PCDHGA5: variants seen among roughly 807,000 people sequenced by gnomAD.
PCDHGA5 encodes protocadherin gamma subfamily A, 5.
In PCDHGA5, 36 loss-of-function variants were observed where a neutral mutation model predicts 56.7. The observed-to-expected ratio is 0.64, with a 90% CI of 0.49 to 0.84. PCDHGA5 has a LOEUF of 0.84. PCDHGA5 is among the 40% of genes least tolerant of loss of function. PCDHGA5 has a pLI of 0.00. For missense variants in PCDHGA5, 1,305 were observed against 1,201.5 expected (o/e 1.09, Z -1.27); for synonymous variants, 563 against 520.2 (o/e 1.08, Z -1.12).
At chr5:141,398,207 C>T (rs1368284039) in intron 1 of PCDHGA5, 3 of 1,488,636 alleles carry the variant, frequency 2.0e-6, no homozygotes, top group South Asian at 2.6e-5. Flanking sequence ...TTGTTCTGCC[C>T]GGCGCTCTGT....
At chr5:141,482,956 CCAGCTACTTGAG>C (rs6149271) in intron 1 of PCDHGA5, among the ~76,000 whole-genome samples, 62,216 of 151,640 alleles carry the variant, frequency 0.41, 15,336 homozygotes, top group African/African-American at 0.7. Context: ...GCCTGTAATT[CCAGCTACTTGAG>C]CAGCTACTTG....
chr5:141,375,736 T>C (rs1771819108), intron 1 of PCDHGA5: 2 of 1,614,242 alleles, frequency 1.2e-6, no homozygotes, highest in East Asian at 2.2e-5. Flanking sequence ...TGAGCCTGTT[T>C]GTGCTGGACC....
At chr5:141,410,698 C>G in intron 1 of PCDHGA5, 1 of 1,482,836 alleles carries the variant, frequency 6.7e-7, no homozygotes, top group Non-Finnish European at 9.0e-7. Context: ...ACTTTATTTT[C>G]ATATCTAGAA....
At chr5:141,404,615 C>T in intron 1 of PCDHGA5, 5 of 1,614,122 alleles carry the variant, frequency 3.1e-6, no homozygotes, top group Non-Finnish European at 4.2e-6. Flanking sequence ...TGTTTTGGAC[C>T]AGAATGACAA....
chr5:141,409,948 A>G, intron 1 of PCDHGA5: 1 of 1,613,348 alleles, frequency 6.2e-7, no homozygotes, highest in South Asian at 1.1e-5. Context: ...CTCGCTCTGC[A>G]GAGCCCGGCT....
rs766795269 is a variant in PCDHGA5, at chr5:141,394,804, T to C, written c.2421+28053T>C. Reference sequence around the variant, plus strand: ...GCCACTGTCACGCTCACCGTAGCCGTGGCTGACAGCATCCCCGAAGTCCTG... The same window carrying C: ...GCCACTGTCACGCTCACCGTAGCCGCGGCTGACAGCATCCCCGAAGTCCTG... On this transcript the variant is annotated intron_variant, in intron 1 of 3. Coordinates refer to ENST00000518069, the MANE Select transcript of PCDHGA5 (RefSeq NM_018918.3). 8 of 1,613,850 alleles carry C rather than the reference T, an allele frequency of 5.0e-6. No individual in the cohort carries two copies. In the South Asian group the frequency reaches 6.6e-5, roughly 13 times the overall value.
At chr5:141,409,402 C>G (rs2095262140) in intron 1 of PCDHGA5, 2 of 1,613,924 alleles carry the variant, frequency 1.2e-6, no homozygotes, top group Non-Finnish European at 8.5e-7. Context: ...CTTCCAATAA[C>G]TACTACAAAC....
chr5:141,486,828 G>A lies in PCDHGA5; in HGVS notation c.2422-7979G>A, dbSNP rs140257646. 77 of 1,614,218 alleles carry A rather than the reference G, an allele frequency of 4.8e-5. 1 individual carries two copies. In the East Asian group the frequency reaches 1.2e-3, roughly 26 times the overall value. On this transcript the variant is annotated intron_variant, in intron 1 of 3. Transcript: ENST00000518069. This position sits in a 1 kb window ranked among gnomAD's most constrained non-coding sequence, Gnocchi z 5.0. ...CCCCTTAGCAGCACTGTAACAGTTCGTCTATTTGTGCTGGACCTCAATGAC... is the reference window on the plus strand; with the variant it reads ...CCCCTTAGCAGCACTGTAACAGTTCATCTATTTGTGCTGGACCTCAATGAC...
rs781173890 is a variant in PCDHGA5, at chr5:141,476,165, G to T, written c.2422-18642G>T. 5.3e-5 allele frequency: 86 copies of T among 1,613,106 alleles called. No individual in the cohort carries two copies. Among genetic ancestry groups the T allele is most frequent in the Non-Finnish European group, 7.2e-5 (85 of 1,179,976 alleles). On this transcript the variant is annotated intron_variant, in intron 1 of 3. Transcript: ENST00000518069. The surrounding 1 kb of genome is among the most constrained non-coding windows in gnomAD (Gnocchi z 7.6). ...CGGACTGGTAAGCACCGGGAGGGTA[G>T]TGGGAGTTTTGCTTCTGCTTGGTGC...
chr5:141,366,903 C>G (rs1018569016), intron 1 of PCDHGA5, 152 bp downstream of exon 1: 1 of 1,174,592 alleles, frequency 8.5e-7, no homozygotes, highest in Non-Finnish European at 1.2e-6. Flanking sequence ...TTCATGCTTT[C>G]TCCATTTGTT....
chr5:141,479,625 T>C (rs2099501262), intron 1 of PCDHGA5: 1 of 152,228 alleles, frequency 6.6e-6, no homozygotes, highest in Non-Finnish European at 1.5e-5. Flanking sequence ...ACCATGTCTC[T>C]TTAACAATAA....
chr5:141,425,177 GGAATTCCAAACTGA>G (rs2096860295), intron 1 of PCDHGA5, among the ~76,000 whole-genome samples: 1 of 152,036 alleles, frequency 6.6e-6, no homozygotes, highest in South Asian at 2.1e-4. Flanking sequence ...TTATACTTGT[GGAATTCCAAACTGA>G]GAAAAATGAT....
intron 1 of PCDHGA5, among the ~76,000 whole-genome samples, chr5:141,379,889 C>CTTTTTTTTTGTTTTTTTTTTTTTTTTT (rs1775948001): frequency 2.0e-5 from 1 of 50,830 alleles, no homozygotes; most frequent in Non-Finnish European, 3.9e-5. Context: ...GTGAAAGCCT[C>CTTTTTTTTTGTTTTTTTTTTTTTTTTT]TTTTTTTTTT....
At position 141,365,004 on chromosome 5, in the gene PCDHGA5, C is replaced by T. The variant is rs746525916; in HGVS notation, c.674C>T (p.Thr225Ile). The T allele has an allele frequency of 6.2e-6, 10 of 1,613,936 alleles. No individual in the cohort carries two copies. The highest frequency in any genetic ancestry group is 4.4e-5 in the South Asian group (4 of 91,088). The change falls in exon 1 of 4, where the codon ACC becomes ATC. Residue 225 changes from threonine (T) to isoleucine (I), a missense_variant. By Grantham distance (89) the Thr-to-Ile change is moderately conservative. Coordinates refer to ENST00000518069, the MANE Select transcript of PCDHGA5 (RefSeq NM_018918.3). The stretch of plus-strand genomic sequence containing the variant: ...GGCGGAGACCCGGTACTCTCCGGCA[C>T]CACGCACATCCGTGTTACGGTCCTC... ...LDGGDPVLSG[T>I]THIRVTVLDA...
Position 141,476,340 on chromosome 5 carries a change from G to A in PCDHGA5, c.2422-18467G>A, listed in dbSNP as rs760616287. The A allele has an allele frequency of 2.2e-5, 36 of 1,614,068 alleles. No homozygotes were observed. In the Admixed American group the frequency reaches 2.5e-4, roughly 11 times the overall value. On this transcript the variant is annotated intron_variant, in intron 1 of 3. Transcript: ENST00000518069. The surrounding 1 kb of genome is among the most constrained non-coding windows in gnomAD (Gnocchi z 7.6). The stretch of plus-strand genomic sequence containing the variant: ...CGGGTGGTGTCTGGAGCTAGCCGAA[G>A]ATTCTTTGAGGTGAACCGGGAGACC...
chr5:141,394,419 G>A, intron 1 of PCDHGA5: 1 of 1,614,224 alleles, frequency 6.2e-7, no homozygotes, highest in Non-Finnish European at 8.5e-7. Context: ...AACAGCCAGC[G>A]ACAGCGGGGA....
At chr5:141,421,423 C>T in intron 1 of PCDHGA5, 1 of 1,614,052 alleles carries the variant, frequency 6.2e-7, no homozygotes, top group Non-Finnish European at 8.5e-7. Context: ...GCGCGGAGTC[C>T]GCATCGTCTC....
At chr5:141,462,996 G>A (rs2099050826) in intron 1 of PCDHGA5, among the ~76,000 whole-genome samples, 1 of 152,082 alleles carries the variant, frequency 6.6e-6, no homozygotes, top group South Asian at 2.1e-4. Flanking sequence ...GGCTAATTTA[G>A]ACCTACCACT....
chr5:141,461,423 C>T lies in PCDHGA5; in HGVS notation c.2422-33384C>T, dbSNP rs1005977255. 3.9e-5 allele frequency among the ~76,000 whole-genome samples: 6 copies of T among 151,938 alleles called. No individual in the cohort carries two copies. In the South Asian group the frequency reaches 6.2e-4, roughly 16 times the overall value. On this transcript the variant is annotated intron_variant, in intron 1 of 3. Coordinates refer to ENST00000518069, the MANE Select transcript of PCDHGA5 (RefSeq NM_018918.3). ...AGCATTTTTTCATATGTTTGTGGGC[C>T]ATTTGTATACCTTCTTTTGAGAAAT... is the stretch of plus-strand genomic sequence containing the variant.
Sources: gnomAD v4.1 joint callset for allele counts (sites outside exome capture counted in the v4.1 genomes callset) on GRCh38, gnomAD v4.1.1 for gene constraint, Gnocchi (gnomAD v3.1) non-coding constraint, MANE v1.5 for transcripts, NCBI Gene and HGNC (gene_info 2026-07-23, HGNC 2026-07-21) for gene names.